The following CCNJ variants were observed in gnomAD, a reference collection of about 807,000 sequenced individuals.
CCNJ encodes the protein cyclin-J.
CCNJ carries 12 observed loss-of-function variants against 41.4 expected under a neutral mutation model. The observed-to-expected ratio is 0.29, with a 90% CI of 0.19 to 0.47. CCNJ has a LOEUF of 0.47. Among genes scored for constraint, CCNJ ranks in the 20% least tolerant of loss-of-function variants. CCNJ has a pLI of 1.00. For synonymous variants in CCNJ, 161 were observed against 173.4 expected (o/e 0.93, Z 0.56); for missense variants, 340 against 464.6 (o/e 0.73, Z 2.47).
chr10:96,052,273 G>A (rs968898748), intron 3 of CCNJ, among the ~76,000 whole-genome samples: 1 of 152,182 alleles, frequency 6.6e-6, no homozygotes, highest in Non-Finnish European at 1.5e-5. Context: ...AAGCTCACAC[G>A]TGACAGTTTA....
At chr10:96,043,944 TG>T (rs1361953781) in intron 1 of CCNJ, among the ~76,000 whole-genome samples, 2 of 152,148 alleles carry the variant, frequency 1.3e-5, no homozygotes, top group African/African-American at 4.8e-5. Flanking sequence ...GGCTTTGCCA[TG>T]GGAGCGTTTC....
intron 2 of CCNJ, among the ~76,000 whole-genome samples, chr10:96,047,881 C>T (rs1442348740): frequency 6.6e-6 from 1 of 152,114 alleles, no homozygotes; most frequent in Non-Finnish European, 1.5e-5. Context: ...CATCCCATCA[C>T]CTAGGTATTA....
intron 1 of CCNJ, 116 bp from the exon 2 acceptor site, chr10:96,044,237 G>C: frequency 4.3e-6 from 2 of 462,136 alleles, no homozygotes; most frequent in Non-Finnish European, 7.4e-6. Flanking sequence ...GGTTGAGGAA[G>C]AGTCAAGTGA....
intron 2 of CCNJ, among the ~76,000 whole-genome samples, chr10:96,046,884 C>T (rs905334678): frequency 6.6e-6 from 1 of 152,264 alleles, no homozygotes; most frequent in African/African-American, 2.4e-5. Flanking sequence ...TTTTTAGGAG[C>T]CTTAATGACA....
At chr10:96,051,746 T>C (rs2080530134) in intron 3 of CCNJ, among the ~76,000 whole-genome samples, 1 of 152,210 alleles carries the variant, frequency 6.6e-6, no homozygotes, top group South Asian at 2.1e-4. Context: ...CTGGTACTAA[T>C]CTCTTCTCAG....
intron 3 of CCNJ, among the ~76,000 whole-genome samples, chr10:96,055,127 G>A (rs1160286337): frequency 2.0e-5 from 3 of 152,168 alleles, no homozygotes; most frequent in African/African-American, 7.2e-5. Context: ...GGCAAAACTT[G>A]TTAAATTGAT....
rs1210995868 is a variant in CCNJ, at chr10:96,059,171, C to T, written c.*930C>T. On this transcript the variant is annotated 3_prime_UTR_variant, in exon 6 of 6. Coordinates refer to ENST00000465148, the MANE Select transcript of CCNJ (RefSeq NM_001134375.2). ...ATCTCAGTGCAATCCATGATTTATA[C>T]TCAGAATCGACATTCTTAAAAAGTT... 6.6e-6 allele frequency: 1 copy of T among 152,566 alleles called. No homozygotes were observed. Among genetic ancestry groups the T allele is most frequent in the Non-Finnish European group, 1.5e-5 (1 of 68,042 alleles). 9.5% of individuals were successfully genotyped at this position (152,566 alleles called of 1,614,324 possible).
chr10:96,058,211 C>A lies in CCNJ; in HGVS notation c.1122C>A (p.Tyr374Ter). 6.2e-7 allele frequency: 1 copy of A among 1,613,744 alleles called. No individual in the cohort carries two copies. The highest frequency in any genetic ancestry group is 1.1e-5 in the South Asian group (1 of 91,062). The stretch of plus-strand genomic sequence containing the variant: ...GGAGTTATCAGATAAATGAACATTA[C>A]CCTTGTATTACTCCATGTTTTGAAA... ...YNRSYQINEH[Y>*]PCITPCFER The change falls in exon 6 of 6, where the codon TAC becomes TAA. Residue 374 changes from tyrosine (Y) to a stop codon, truncating the protein, a stop_gained. Coordinates refer to ENST00000465148, the MANE Select transcript of CCNJ (RefSeq NM_001134375.2). LOFTEE classifies it high-confidence loss of function.
At chr10:96,054,023 T>G (rs2080607787) in intron 3 of CCNJ, among the ~76,000 whole-genome samples, 1 of 152,176 alleles carries the variant, frequency 6.6e-6, no homozygotes, top group African/African-American at 2.4e-5. Context: ...CTATTCAGTA[T>G]ATAAATCTTC....
At chr10:96,050,075 T>A (rs2080480670) in intron 2 of CCNJ, among the ~76,000 whole-genome samples, 181 bp from the exon 3 acceptor site, 1 of 152,090 alleles carries the variant, frequency 6.6e-6, no homozygotes, top group Admixed American at 6.6e-5. Flanking sequence ...AGGAGAAAAA[T>A]TTGGTTTTAA....
chr10:96,057,234 G>A lies in CCNJ; in HGVS notation c.727G>A (p.Glu243Lys). 6.2e-7 allele frequency: 1 copy of A among 1,613,876 alleles called. No homozygotes were observed. Among genetic ancestry groups the A allele is most frequent in the Non-Finnish European group, 8.5e-7 (1 of 1,179,798 alleles). Residue 243 changes from glutamate to lysine, a missense_variant, in exon 5 of 6, where the codon GAA (glutamate) becomes AAA (lysine). By Grantham distance (56) the Glu-to-Lys change is moderately conservative. This residue lies in a region of CCNJ where 137 missense variants were observed against 252.9 expected (regional missense o/e 0.54). Transcript: ENST00000465148. ...TTGGGATTTCTTAGTGCAGTGTATT[G>A]AACGACTGTTGATGTAAGCCTTTTT... is the stretch of plus-strand genomic sequence containing the variant. ...YSWDFLVQCI[E>K]RLLIAHDNDV...
intron 3 of CCNJ, among the ~76,000 whole-genome samples, chr10:96,055,332 A>G (rs1275857691): frequency 6.6e-6 from 1 of 152,232 alleles, no homozygotes; most frequent in Non-Finnish European, 1.5e-5. Flanking sequence ...CATAGGCATA[A>G]TATGATGGTT....
At position 96,058,420 on chromosome 10, in the gene CCNJ, A is replaced by G. The variant is rs2080751967; in HGVS notation, c.*179A>G. 3.6e-6 allele frequency: 2 copies of G among 559,864 alleles called. No individual in the cohort carries two copies. Among genetic ancestry groups the G allele is most frequent in the Non-Finnish European group, 6.3e-6 (2 of 316,502 alleles). 34.7% of individuals were successfully genotyped at this position (559,864 alleles called of 1,614,324 possible). On this transcript the variant is annotated 3_prime_UTR_variant, in exon 6 of 6. Coordinates refer to ENST00000465148, the MANE Select transcript of CCNJ (RefSeq NM_001134375.2). Reference sequence around the variant, plus strand: ...CACCATGAATCCTGGGAGACTAAGCAAATTAACAGTATGTCAAATTCTGTT... The same window carrying G: ...CACCATGAATCCTGGGAGACTAAGCGAATTAACAGTATGTCAAATTCTGTT...
intron 2 of CCNJ, among the ~76,000 whole-genome samples, chr10:96,044,712 T>G (rs2080313191): frequency 6.6e-6 from 1 of 152,218 alleles, no homozygotes; most frequent in African/African-American, 2.4e-5. Flanking sequence ...GCGTTCTGGC[T>G]TCCAGGTGGG....
At chr10:96,051,112 G>A (rs916107763) in intron 3 of CCNJ, among the ~76,000 whole-genome samples, 2 of 152,314 alleles carry the variant, frequency 1.3e-5, no homozygotes, top group South Asian at 2.1e-4. Context: ...AAAAGTTAAT[G>A]TGCAACTACT....
intron 3 of CCNJ, among the ~76,000 whole-genome samples, chr10:96,051,699 A>C (rs1183840512): frequency 6.6e-6 from 1 of 152,192 alleles, no homozygotes; most frequent in East Asian, 1.9e-4. Context: ...GCTGCTTATA[A>C]ATCTAAAACC....
In CCNJ at chr10:96,044,347, T is replaced by C; in HGVS notation, c.-41-6T>C. 1 of 1,471,756 alleles carries C rather than the reference T, an allele frequency of 6.8e-7. No individual in the cohort carries two copies. The highest frequency in any genetic ancestry group is 9.1e-7 in the Non-Finnish European group (1 of 1,097,716). 91.2% of individuals were successfully genotyped at this position (1,471,756 alleles called of 1,614,324 possible). Reference sequence around the variant, plus strand: ...GCAGTGACCGCGCCTGGGGTGTGTCTTACAGACTCGAGTTGCCGCGTCGGG... The same window carrying C: ...GCAGTGACCGCGCCTGGGGTGTGTCCTACAGACTCGAGTTGCCGCGTCGGG... On this transcript the variant is annotated splice_polypyrimidine_tract_variant and splice_region_variant and intron_variant, in intron 1 of 5. Transcript: ENST00000465148.
In CCNJ at chr10:96,054,501, G is replaced by A. The variant is rs540312366; in HGVS notation, c.281-2200G>A. Among the ~76,000 whole-genome samples the A allele has an allele frequency of 5.1e-4, 78 of 152,298 alleles. 1 individual carries two copies. The highest frequency in any genetic ancestry group is 6.5e-5 in the Admixed American group (1 of 15,308). ...AAGTATGGTTATTTATTCAGAATCA[G>A]ATTATTCTTAACTTTGCAAGATCAA... On this transcript the variant is annotated intron_variant, in intron 3 of 5. Transcript: ENST00000465148.
intron 4 of CCNJ, 24 bp downstream of exon 4, chr10:96,057,024 A>G: frequency 6.2e-7 from 1 of 1,612,710 alleles, no homozygotes; most frequent in South Asian, 1.1e-5. Context: ...AATACCAGTA[A>G]GTGACTTGTG....
Sources: gnomAD v4.1 joint callset for allele counts (sites outside exome capture counted in the v4.1 genomes callset) on GRCh38, gnomAD v4.1.1 for gene constraint, gnomAD v4.1.1 regional missense constraint, MANE v1.5 for transcripts, NCBI Gene and HGNC (gene_info 2026-07-23, HGNC 2026-07-21) for gene names.